The following PDE7B variants were observed in gnomAD, a reference collection of about 807,000 sequenced individuals.
PDE7B encodes phosphodiesterase 7B.
PDE7B carries 29 observed loss-of-function variants against 56.2 expected under a neutral mutation model. That is an observed-to-expected ratio of 0.52 (90% CI 0.38 to 0.70). The LOEUF (loss-of-function observed/expected upper bound fraction) is 0.70, where lower values mean the gene tolerates loss of function less well. Ranked by LOEUF, PDE7B falls within the 30% of genes least tolerant of loss-of-function variation. The pLI is 0.00. For synonymous variants in PDE7B, 197 were observed against 196.9 expected, an observed-to-expected ratio of 1.00 and a Z score of 0.00; for missense variants, 490 against 565.0, an observed-to-expected ratio of 0.87 and a Z score of 1.35.
intron 2 of PDE7B, among the ~76,000 whole-genome samples, chr6:136,023,591 CT>C (rs1776105204): frequency 1.3e-5 from 2 of 152,300 alleles, no homozygotes; most frequent in Admixed American, 1.3e-4. Flanking sequence ...GAGCATCTTT[CT>C]TTCTCCATCC....
intron 3 of PDE7B, among the ~76,000 whole-genome samples, chr6:136,113,667 C>T (rs1777785329): frequency 6.6e-6 from 1 of 152,206 alleles, no homozygotes; most frequent in Non-Finnish European, 1.5e-5. Flanking sequence ...TGTATTCTCC[C>T]AATGTCGATT....
At chr6:136,117,018 T>G (rs1280627132) in intron 3 of PDE7B, 1 of 152,220 alleles carries the variant, frequency 6.6e-6, no homozygotes, top group African/African-American at 2.4e-5. Context: ...TGATGGATTC[T>G]ATTGAGTACA....
chr6:136,084,870 GTTCAT>G (rs992021478), intron 2 of PDE7B, among the ~76,000 whole-genome samples: 30 of 152,118 alleles, frequency 2.0e-4, no homozygotes, highest in Non-Finnish European at 3.1e-4. Flanking sequence ...TTTGCAGGGG[GTTCAT>G]TTCATTTCAA....
At chr6:136,049,804 G>A (rs1250167206) in intron 2 of PDE7B, among the ~76,000 whole-genome samples, 1 of 152,184 alleles carries the variant, frequency 6.6e-6, no homozygotes, top group Non-Finnish European at 1.5e-5. Flanking sequence ...AGACATTAGT[G>A]GGACGAGACT....
intron 2 of PDE7B, among the ~76,000 whole-genome samples, chr6:135,955,706 GTATC>G (rs1198640368): frequency 1.3e-5 from 2 of 152,028 alleles, no homozygotes; most frequent in Non-Finnish European, 2.9e-5. Flanking sequence ...GGGAACAGTG[GTATC>G]TATCAGGTGA....
chr6:136,095,350 T>C (rs1463882112), intron 2 of PDE7B, among the ~76,000 whole-genome samples: 2 of 152,178 alleles, frequency 1.3e-5, no homozygotes, highest in Non-Finnish European at 2.9e-5. Context: ...TCTATATTTA[T>C]ATGGTAATAT....
chr6:136,078,954 C>T (rs1486458489), intron 2 of PDE7B, among the ~76,000 whole-genome samples: 1 of 152,062 alleles, frequency 6.6e-6, no homozygotes, highest in Non-Finnish European at 1.5e-5. Flanking sequence ...CTCTGTATGG[C>T]CACACATGCA....
rs1473719758 is a variant in PDE7B, at chr6:135,981,250, C to G, written c.82+33726C>G. ...ATTGAACAATGAGAACACATGGACA[C>G]AGGAAGGGGAACATCACACTGTGGG... On this transcript the variant is annotated intron_variant, in intron 2 of 12. Coordinates refer to ENST00000308191, the MANE Select transcript of PDE7B (RefSeq NM_018945.4). Among the ~76,000 whole-genome samples, 37 of 129,050 alleles carry G rather than the reference C, an allele frequency of 2.9e-4. 1 individual carries two copies. The highest frequency in any genetic ancestry group is 1.1e-3 in the African/African-American group (36 of 33,296). 84.7% of individuals were successfully genotyped at this position (129,050 alleles called of 152,430 possible).
chr6:135,943,609 T>C (rs1774543729), intron 1 of PDE7B, among the ~76,000 whole-genome samples: 1 of 152,238 alleles, frequency 6.6e-6, no homozygotes, highest in African/African-American at 2.4e-5. Flanking sequence ...CTCAATTTTC[T>C]ACTCTGCTAA....
intron 12 of PDE7B, 25 bp from the exon 13 acceptor site, chr6:136,191,589 C>G: frequency 6.3e-7 from 1 of 1,594,486 alleles, no homozygotes. Context: ...CGCTGTGATG[C>G]TGAGCCTTGA....
intron 2 of PDE7B, among the ~76,000 whole-genome samples, chr6:136,003,189 T>C (rs1007026979): frequency 2.6e-5 from 4 of 151,844 alleles, no homozygotes; most frequent in South Asian, 2.1e-4. Context: ...ATCTCTGGGA[T>C]GCATTCAAAG....
At position 136,046,791 on chromosome 6, in the gene PDE7B, G is replaced by A. The variant is rs536251325; in HGVS notation, c.83-61940G>A. 7.2e-5 allele frequency among the ~76,000 whole-genome samples: 11 copies of A among 152,146 alleles called. No homozygotes were observed. In the East Asian group the frequency reaches 1.7e-3, roughly 24 times the overall value. ...TAAAGGGATCTAATAAAAGAATAAA[G>A]AAAATCCTTTCATCTTTCCACAAAG... is the stretch of plus-strand genomic sequence containing the variant. On this transcript the variant is annotated intron_variant, in intron 2 of 12. Coordinates refer to ENST00000308191, the MANE Select transcript of PDE7B (RefSeq NM_018945.4).
intron 3 of PDE7B, among the ~76,000 whole-genome samples, chr6:136,136,339 C>T (rs1778210501): frequency 6.6e-6 from 1 of 152,080 alleles, no homozygotes; most frequent in South Asian, 2.1e-4. Flanking sequence ...ATGTATTTCA[C>T]ACCTACAACC....
At chr6:136,176,192 A>G (rs887177744) in intron 9 of PDE7B, among the ~76,000 whole-genome samples, 6 of 152,060 alleles carry the variant, frequency 3.9e-5, no homozygotes, top group African/African-American at 1.4e-4. Flanking sequence ...CATTTGTTAT[A>G]TGTGGTAAAT....
intron 1 of PDE7B, among the ~76,000 whole-genome samples, chr6:135,906,648 A>T (rs1276927815): frequency 6.6e-6 from 1 of 152,102 alleles, no homozygotes; most frequent in African/African-American, 2.4e-5. Flanking sequence ...AAAGTAAGAG[A>T]GACTTGAAGT....
intron 2 of PDE7B, chr6:136,071,250 G>C (rs1317526516): frequency 1.3e-5 from 2 of 152,136 alleles, no homozygotes; most frequent in African/African-American, 4.8e-5. Context: ...CATTTCCACT[G>C]TAAGAAACTT....
At chr6:135,866,477 T>C (rs750909176) in intron 1 of PDE7B, among the ~76,000 whole-genome samples, 5 of 152,160 alleles carry the variant, frequency 3.3e-5, no homozygotes, top group Admixed American at 3.3e-4. Flanking sequence ...CCAGTAGTAC[T>C]TTAACAAAGT....
At chr6:136,110,715 T>A (rs1256381228) in intron 3 of PDE7B, among the ~76,000 whole-genome samples, 3 of 149,668 alleles carry the variant, frequency 2.0e-5, no homozygotes, top group Non-Finnish European at 4.5e-5. Context: ...CTGCAACATT[T>A]TTTTTTTTTT....
chr6:135,898,843 T>C (rs973782200), intron 1 of PDE7B, among the ~76,000 whole-genome samples: 1 of 152,140 alleles, frequency 6.6e-6, no homozygotes, highest in African/African-American at 2.4e-5. Context: ...AGTAAAACTC[T>C]AGTGGCAAAT....
Sources: allele counts gnomAD v4.1 joint callset (sites outside exome capture counted in the v4.1 genomes callset), GRCh38; gene constraint gnomAD v4.1.1; transcripts MANE v1.5; gene names NCBI Gene and HGNC (gene_info 2026-07-23, HGNC 2026-07-21).